The following SMYD3 variants were observed in gnomAD, a reference collection of about 807,000 sequenced individuals.
SMYD3 encodes histone-lysine N-methyltransferase SMYD3.
SMYD3 carries 36 observed loss-of-function variants against 57.7 expected under a neutral mutation model. The observed-to-expected ratio is 0.62, with a 90% CI of 0.48 to 0.82. The LOEUF is 0.82. SMYD3 is among the 40% of genes least tolerant of loss of function. SMYD3 has a pLI of 0.00. For synonymous variants in SMYD3, 211 were observed against 195.0 expected (o/e 1.08, Z -0.68); for missense variants, 515 against 538.8 (o/e 0.96, Z 0.44).
chr1:246,341,573 C>A (rs559991293), intron 2 of SMYD3, among the ~76,000 whole-genome samples: 4 of 151,942 alleles, frequency 2.6e-5, no homozygotes, highest in Non-Finnish European at 4.4e-5. Context: ...TAAGGCCATA[C>A]AAAAAGAAGA....
chr1:245,779,966 C>T lies in SMYD3; in HGVS notation c.1077-15817G>A, dbSNP rs529101821. On this transcript the variant is annotated intron_variant, in intron 10 of 11. Transcript: ENST00000490107. ...CCATCAGGGAAACGTGACTCGAAGC[C>T]AGTGTAGTACCACCTCACACCCACT... Among the ~76,000 whole-genome samples, 4 of 152,286 alleles carry T rather than the reference C, an allele frequency of 2.6e-5. No individual in the cohort carries two copies. In the East Asian group the frequency reaches 7.7e-4, roughly 29 times the overall value.
intron 2 of SMYD3, among the ~76,000 whole-genome samples, chr1:246,337,636 A>C (rs2065566270): frequency 6.6e-6 from 1 of 152,180 alleles, no homozygotes; most frequent in Non-Finnish European, 1.5e-5. Context: ...ATCAGAAAGT[A>C]CCTTAGGCTC....
chr1:246,323,372 C>G (rs990813864), intron 5 of SMYD3, among the ~76,000 whole-genome samples: 18 of 152,048 alleles, frequency 1.2e-4, no homozygotes, highest in African/African-American at 4.1e-4. Flanking sequence ...TTACAAGTAA[C>G]AGAAGAAATT....
chr1:246,291,884 G>A (rs965426543), intron 5 of SMYD3, among the ~76,000 whole-genome samples: 3 of 152,064 alleles, frequency 2.0e-5, no homozygotes, highest in Non-Finnish European at 1.5e-5. Context: ...CAGCATCTTA[G>A]ACTTACTATC....
intron 5 of SMYD3, among the ~76,000 whole-genome samples, chr1:246,162,593 G>C (rs534405597): frequency 1.3e-5 from 2 of 152,050 alleles, no homozygotes; most frequent in African/African-American, 4.8e-5. Flanking sequence ...TGGTTTTCAG[G>C]CATCATTACA....
chr1:246,471,683 T>C (rs144624845), intron 1 of SMYD3, among the ~76,000 whole-genome samples: 13 of 152,386 alleles, frequency 8.5e-5, no homozygotes, highest in African/African-American at 2.9e-4. Context: ...CTCTGCTTAC[T>C]GTTCCACTCG....
At chr1:245,871,637 G>C (rs575568083) in intron 8 of SMYD3, among the ~76,000 whole-genome samples, 120 of 152,344 alleles carry the variant, frequency 7.9e-4, no homozygotes, top group African/African-American at 2.7e-3. Context: ...GGAGCCATAA[G>C]ATGTGGAACT....
chr1:245,912,703 A>G (rs986778042), intron 8 of SMYD3, among the ~76,000 whole-genome samples: 4 of 152,206 alleles, frequency 2.6e-5, no homozygotes, highest in African/African-American at 9.7e-5. Context: ...TTAAATACAC[A>G]TTATTTATAG....
At chr1:245,905,289 C>A (rs2148626135) in intron 8 of SMYD3, among the ~76,000 whole-genome samples, 1 of 152,194 alleles carries the variant, frequency 6.6e-6, no homozygotes, top group Non-Finnish European at 1.5e-5. Flanking sequence ...CCTGGGGTCC[C>A]TGACTCCAAG....
In SMYD3 at chr1:245,964,006, G is replaced by A. The variant is rs2058076634; in HGVS notation, c.532-34069C>T. Among the ~76,000 whole-genome samples the A allele has an allele frequency of 2.6e-5, 4 of 152,194 alleles. No homozygotes were observed. In the South Asian group the frequency reaches 8.3e-4, roughly 31 times the overall value. On this transcript the variant is annotated intron_variant, in intron 5 of 11. Coordinates refer to ENST00000490107, the MANE Select transcript of SMYD3 (RefSeq NM_001167740.2). ...AATGCTGGCTAATTTTCAAAGAAAA[G>A]AGATTTATTTGGCTCACGGCTCTGC...
At chr1:245,991,112 C>T (rs1454895913) in intron 5 of SMYD3, among the ~76,000 whole-genome samples, 2 of 152,160 alleles carry the variant, frequency 1.3e-5, no homozygotes, top group African/African-American at 2.4e-5. Flanking sequence ...GACCTGAATA[C>T]ACACATGCTT....
At chr1:246,169,311 CA>C (rs1437116964) in intron 5 of SMYD3, among the ~76,000 whole-genome samples, 1 of 113,364 alleles carries the variant, frequency 8.8e-6, no homozygotes, top group Non-Finnish European at 1.7e-5. Context: ...TGAAAAACGC[CA>C]AAGTTAATTT....
intron 5 of SMYD3, among the ~76,000 whole-genome samples, chr1:246,140,635 A>G (rs917701964): frequency 6.6e-6 from 1 of 150,614 alleles, no homozygotes; most frequent in African/African-American, 2.5e-5. Flanking sequence ...TTTTAGAGAT[A>G]GGGGTCTCAA....
intron 5 of SMYD3, among the ~76,000 whole-genome samples, chr1:246,084,934 C>A (rs1052253319): frequency 6.6e-6 from 1 of 152,064 alleles, no homozygotes; most frequent in African/African-American, 2.4e-5. Flanking sequence ...CATTATTTTA[C>A]CCCTAAAGAT....
At chr1:246,291,349 C>T (rs1294041816) in intron 5 of SMYD3, among the ~76,000 whole-genome samples, 1 of 152,178 alleles carries the variant, frequency 6.6e-6, no homozygotes, top group Non-Finnish European at 1.5e-5. Context: ...GTATAATTTG[C>T]TGCTGGCTTT....
chr1:246,489,259 T>C (rs142753965), intron 1 of SMYD3, among the ~76,000 whole-genome samples: 7 of 151,992 alleles, frequency 4.6e-5, no homozygotes, highest in Non-Finnish European at 1.0e-4. Flanking sequence ...GGCAGGAGAA[T>C]GGCGTGAACC....
At chr1:246,153,637 TTTTG>T (rs1231425534) in intron 5 of SMYD3, among the ~76,000 whole-genome samples, 1 of 151,978 alleles carries the variant, frequency 6.6e-6, no homozygotes, top group African/African-American at 2.4e-5. Flanking sequence ...TTTTGTTTTG[TTTTG>T]TTTGTTTTTT....
intron 5 of SMYD3, among the ~76,000 whole-genome samples, chr1:246,295,421 CAG>C (rs2064774612): frequency 6.6e-6 from 1 of 152,152 alleles, no homozygotes; most frequent in Non-Finnish European, 1.5e-5. Context: ...TGCTTGGACA[CAG>C]TGTAATTCCA....
chr1:245,816,158 G>C (rs1001318787), intron 10 of SMYD3, among the ~76,000 whole-genome samples: 2 of 152,140 alleles, frequency 1.3e-5, no homozygotes, highest in Admixed American at 6.6e-5. Flanking sequence ...CCTACCTGTC[G>C]CTAGCCTTCC....
Sources: gnomAD v4.1 joint callset for allele counts (sites outside exome capture counted in the v4.1 genomes callset) on GRCh38, gnomAD v4.1.1 for gene constraint, MANE v1.5 for transcripts, NCBI Gene and HGNC (gene_info 2026-07-23, HGNC 2026-07-21) for gene names.